Variants in CDH12 observed in about 807,000 individuals in gnomAD.
The protein encoded by CDH12 is cadherin 12, also known as cadherin-12.
A neutral mutation model predicts 74.1 loss-of-function variants in CDH12; 41 were observed. That is an observed-to-expected ratio of 0.55 (90% CI 0.43 to 0.72). The LOEUF is 0.72. Among genes scored for constraint, CDH12 ranks in the 30% least tolerant of loss-of-function variants. CDH12 has a pLI of 0.00. For synonymous variants in CDH12, 399 were observed against 355.0 expected (o/e 1.12, Z -1.39); for missense variants, 945 against 977.2 (o/e 0.97, Z 0.44).
In CDH12 at chr5:21,751,609, A is replaced by AGTGT. The variant is rs1554025827; in HGVS notation, c.*124_*127dup. On this transcript the variant is annotated 3_prime_UTR_variant, in exon 15 of 15. Coordinates refer to ENST00000382254, the MANE Select transcript of CDH12 (RefSeq NM_004061.5). ...GGTAATCAAAGGAATCTTGTCCCAG[A>AGTGT]GTGTGTGTGTGTGTGTGTGTGTTTG... The AGTGT allele has an allele frequency of 2.9e-5, 16 of 556,126 alleles. No homozygotes were observed. In the African/African-American group the frequency reaches 3.0e-4, roughly 10 times the overall value. 34.4% of individuals were successfully genotyped at this position (556,126 alleles called of 1,614,324 possible).
At chr5:22,369,050 AC>A (rs1254344412) in intron 3 of CDH12, among the ~76,000 whole-genome samples, 1 of 151,790 alleles carries the variant, frequency 6.6e-6, no homozygotes, top group South Asian at 2.1e-4. Context: ...AATCGCTTGA[AC>A]CCGGGAGGCG....
At chr5:22,434,506 G>A (rs750854610) in intron 2 of CDH12, among the ~76,000 whole-genome samples, 7 of 151,806 alleles carry the variant, frequency 4.6e-5, no homozygotes, top group Non-Finnish European at 8.8e-5. Context: ...ATCCAAAATG[G>A]AGTTCACCAT....
At chr5:22,057,812 C>T (rs1394674925) in intron 5 of CDH12, among the ~76,000 whole-genome samples, 2 of 152,110 alleles carry the variant, frequency 1.3e-5, no homozygotes, top group South Asian at 4.1e-4. Context: ...GATCTATTTG[C>T]TTACAGGCAG....
intron 4 of CDH12, among the ~76,000 whole-genome samples, chr5:22,115,005 C>G (rs940094800): frequency 6.6e-6 from 1 of 152,168 alleles, no homozygotes. Context: ...GGCCAACAAT[C>G]CAGGAACAAA....
intron 6 of CDH12, among the ~76,000 whole-genome samples, chr5:21,935,030 C>G (rs997316117): frequency 6.6e-6 from 1 of 152,168 alleles, no homozygotes; most frequent in Non-Finnish European, 1.5e-5. Flanking sequence ...TCGTGATCCG[C>G]CCACCTCGGC....
intron 1 of CDH12, among the ~76,000 whole-genome samples, chr5:22,623,730 C>T (rs1738111793): frequency 6.6e-6 from 1 of 152,120 alleles, no homozygotes; most frequent in Non-Finnish European, 1.5e-5. Context: ...ATGAAAATGG[C>T]CATACTGCCC....
chr5:22,003,267 G>T (rs1736711117), intron 5 of CDH12, among the ~76,000 whole-genome samples: 1 of 152,146 alleles, frequency 6.6e-6, no homozygotes, highest in Admixed American at 6.5e-5. Context: ...ATGTGAGCTA[G>T]GGAGAGAATC....
rs1740520517 is a variant in CDH12, at chr5:22,664,677, TTC to T, written c.-522-159315_-522-159314del. On this transcript the variant is annotated intron_variant, in intron 1 of 14. Coordinates refer to ENST00000382254, the MANE Select transcript of CDH12 (RefSeq NM_004061.5). ...TAGGTGTTTCCTGTGTTCACTTAAA[TTC>T]TCTGTTAAACCATCACAATAACTAC... 1.1e-4 allele frequency among the ~76,000 whole-genome samples: 17 copies of T among 152,276 alleles called. No individual in the cohort carries two copies. In the South Asian group the frequency reaches 3.5e-3, roughly 32 times the overall value.
In CDH12 at chr5:22,631,815, C is replaced by T. The variant is rs138140540; in HGVS notation, c.-522-126451G>A. ...AGCACTTTACATGACTGGAGCAGGA[C>T]AAAGAGAGGAATCGAGAGGTGCTAA... On this transcript the variant is annotated intron_variant, in intron 1 of 14. Transcript: ENST00000382254. Among the ~76,000 whole-genome samples the T allele has an allele frequency of 3.7e-3, 568 of 152,088 alleles. 1 individual carries two copies. Among genetic ancestry groups the T allele is most frequent in the African/African-American group, 0.01 (423 of 41,500 alleles).
In CDH12 at chr5:21,904,383, T is replaced by C. The variant is rs1579939715; in HGVS notation, c.527-49593A>G. On this transcript the variant is annotated intron_variant, in intron 6 of 14. Transcript: ENST00000382254. ...GGAAGGAATAATAATGGGATGATTATCAAAATATCACCACTGGATTTTGGA... is the reference window on the plus strand; with the variant it reads ...GGAAGGAATAATAATGGGATGATTACCAAAATATCACCACTGGATTTTGGA... Among the ~76,000 whole-genome samples, 3 of 152,120 alleles carry C rather than the reference T, an allele frequency of 2.0e-5. No homozygotes were observed. In the South Asian group the frequency reaches 6.2e-4, roughly 32 times the overall value.
At chr5:22,838,706 C>T (rs1369329691) in intron 1 of CDH12, among the ~76,000 whole-genome samples, 2 of 150,416 alleles carry the variant, frequency 1.3e-5, no homozygotes, top group Non-Finnish European at 3.0e-5. Flanking sequence ...GATGAGGTCT[C>T]ACTCTGTTGT....
chr5:22,329,457 G>A (rs1163844949), intron 3 of CDH12, among the ~76,000 whole-genome samples: 3 of 152,110 alleles, frequency 2.0e-5, no homozygotes, highest in Admixed American at 6.5e-5. Context: ...GGAGCAAGAT[G>A]GAAGAATAGA....
At chr5:22,143,140 C>A (rs2150300326) in intron 4 of CDH12, 1 of 152,666 alleles carries the variant, frequency 6.6e-6, no homozygotes, top group South Asian at 2.1e-4. Context: ...TTGAACAATG[C>A]TTAACATACT....
chr5:22,250,986 T>G (rs1561255684), intron 3 of CDH12, among the ~76,000 whole-genome samples: 2 of 152,100 alleles, frequency 1.3e-5, no homozygotes, highest in Non-Finnish European at 2.9e-5. Flanking sequence ...ATCATGAAAT[T>G]TGCAAACAAT....
intron 10 of CDH12, among the ~76,000 whole-genome samples, chr5:21,797,578 A>T (rs186410143): frequency 5.9e-4 from 90 of 152,228 alleles, no homozygotes; most frequent in Middle Eastern, 3.4e-3. Context: ...ATCTGTGTCA[A>T]GTGGGCCGAC....
intron 4 of CDH12, among the ~76,000 whole-genome samples, chr5:22,080,461 G>A (rs992213119): frequency 6.6e-6 from 1 of 152,078 alleles, no homozygotes; most frequent in Non-Finnish European, 1.5e-5. Flanking sequence ...TTATAAGAGT[G>A]TAACTGTAAC....
chr5:22,530,007 T>G (rs546234818), intron 1 of CDH12, among the ~76,000 whole-genome samples: 25 of 152,270 alleles, frequency 1.6e-4, no homozygotes, highest in South Asian at 6.2e-4. Context: ...GAAATTAAGC[T>G]TAGGATTCCA....
chr5:22,782,591 A>G (rs1235408341), intron 1 of CDH12, among the ~76,000 whole-genome samples: 2 of 152,150 alleles, frequency 1.3e-5, no homozygotes, highest in Non-Finnish European at 2.9e-5. Flanking sequence ...ATCTTTACAG[A>G]AGTGTGAAAA....
chr5:22,036,579 C>T (rs6885846), intron 5 of CDH12, among the ~76,000 whole-genome samples: 2,645 of 151,968 alleles, frequency 0.017, 76 homozygotes, highest in African/African-American at 0.06. Context: ...CGTGTGCGTG[C>T]GTGTGTGTTT....
Sources: allele counts gnomAD v4.1 joint callset (sites outside exome capture counted in the v4.1 genomes callset), GRCh38; gene constraint gnomAD v4.1.1; transcripts MANE v1.5; gene names NCBI Gene and HGNC (gene_info 2026-07-23, HGNC 2026-07-21).